Variants in INPP4A observed in about 807,000 individuals in gnomAD.
INPP4A encodes inositol polyphosphate-4-phosphatase, type I, 107kD.
INPP4A carries 33 observed loss-of-function variants against 119.8 expected under a neutral mutation model. The ratio of observed to expected loss-of-function variants is 0.28; its 90% confidence interval spans 0.21 to 0.37. The LOEUF is 0.37. INPP4A is among the 10% of genes least tolerant of loss of function. INPP4A has a pLI of 1.00. For missense variants in INPP4A, 956 were observed against 1,289.9 expected (o/e 0.74, Z 3.97); for synonymous variants, 496 against 500.7 (o/e 0.99, Z 0.12).
intron 1 of INPP4A, among the ~76,000 whole-genome samples, chr2:98,481,946 T>C (rs1678555047): frequency 6.6e-6 from 1 of 152,198 alleles, no homozygotes; most frequent in African/African-American, 2.4e-5. Flanking sequence ...GTTGGATTGT[T>C]TGATGTCTTG....
At chr2:98,555,903 ATGCAGAC>A in intron 16 of INPP4A, 95 bp downstream of exon 16, 1 of 1,359,330 alleles carries the variant, frequency 7.4e-7, no homozygotes, top group Non-Finnish European at 1.0e-6. Context: ...CTCCTCCCCC[ATGCAGAC>A]TGCAGGGAGG....
At chr2:98,507,579 C>T (rs1288417802) in intron 1 of INPP4A, among the ~76,000 whole-genome samples, 1 of 152,098 alleles carries the variant, frequency 6.6e-6, no homozygotes, top group Non-Finnish European at 1.5e-5. Flanking sequence ...GTGACCCCCA[C>T]CCCCAGCCTG....
chr2:98,555,865 C>T (rs913337320), intron 16 of INPP4A, 57 bp downstream of exon 16: 5 of 1,503,908 alleles, frequency 3.3e-6, no homozygotes, highest in Non-Finnish European at 4.5e-6. Context: ...GTGCTGCTTC[C>T]ATTTGTCTGT....
At chr2:98,586,418 A>G (rs1301524523) in intron 24 of INPP4A, among the ~76,000 whole-genome samples, 1 of 152,136 alleles carries the variant, frequency 6.6e-6, no homozygotes, top group East Asian at 1.9e-4. Context: ...GGTAACTGCA[A>G]ATTTTACATC....
chr2:98,592,486 C>CT lies in INPP4A; in HGVS notation c.*4880dup, dbSNP rs1480605765. ...GTTTTTACACTTTTAAAAGTGCCCT[C>CT]TTCTCAGAGACCCTGGTTATTTCCA... On this transcript the variant is annotated 3_prime_UTR_variant, in exon 25 of 25. Transcript: ENST00000409851. The CT allele has an allele frequency of 6.6e-6, 1 of 152,166 alleles. No individual in the cohort carries two copies. Among genetic ancestry groups the CT allele is most frequent in the African/African-American group, 2.4e-5 (1 of 41,428 alleles). 9.4% of individuals were successfully genotyped at this position (152,166 alleles called of 1,614,324 possible).
Position 98,564,150 on chromosome 2 carries a change from G to T in INPP4A, c.2029-490G>T, listed in dbSNP as rs139759415. 2.6e-3 allele frequency among the ~76,000 whole-genome samples: 395 copies of T among 152,274 alleles called. 1 individual carries two copies. The highest frequency in any genetic ancestry group is 3.4e-3 in the Non-Finnish European group (228 of 68,026). ...TTAGTAAAGTGAACAGTGATTTGGG[G>T]TTGGGCTGGTTCTCTACAGGTTCCC... On this transcript the variant is annotated intron_variant, in intron 18 of 24. Coordinates refer to ENST00000409851, the MANE Select transcript of INPP4A (RefSeq NM_001134225.2).
chr2:98,544,035 A>G, intron 11 of INPP4A, 28 bp downstream of exon 11: 9 of 1,541,936 alleles, frequency 5.8e-6, no homozygotes, highest in Non-Finnish European at 7.9e-6. Flanking sequence ...CTGTCACCAC[A>G]CACGCGTGCG....
chr2:98,574,207 G>T (rs1390320151), intron 23 of INPP4A, among the ~76,000 whole-genome samples: 1 of 152,124 alleles, frequency 6.6e-6, no homozygotes, highest in African/African-American at 2.4e-5. Flanking sequence ...GGTCTCTGCA[G>T]CAGGACAGAG....
intron 16 of INPP4A, 70 bp downstream of exon 16, chr2:98,555,878 C>G: frequency 2.7e-6 from 4 of 1,484,950 alleles, no homozygotes; most frequent in Non-Finnish European, 3.6e-6. Flanking sequence ...TTGTCTGTGT[C>G]TCTGACTCCA....
intron 24 of INPP4A, among the ~76,000 whole-genome samples, chr2:98,582,883 A>G (rs1449148707): frequency 6.6e-6 from 1 of 151,656 alleles, no homozygotes; most frequent in Non-Finnish European, 1.5e-5. Flanking sequence ...AAGATCGCCT[A>G]CTGCATACAC....
intron 17 of INPP4A, among the ~76,000 whole-genome samples, chr2:98,563,199 G>C (rs2106327170): frequency 6.6e-6 from 1 of 152,236 alleles, no homozygotes; most frequent in South Asian, 2.1e-4. Context: ...GAGTATTTCT[G>C]TTTAGGGTCC....
chr2:98,561,502 A>C (rs533137667), intron 17 of INPP4A, among the ~76,000 whole-genome samples: 1 of 152,308 alleles, frequency 6.6e-6, no homozygotes, highest in South Asian at 2.1e-4. Flanking sequence ...ACCTTCTACC[A>C]AGTTCCATAT....
intron 8 of INPP4A, among the ~76,000 whole-genome samples, 164 bp from the exon 9 acceptor site, chr2:98,538,727 G>C (rs1054194614): frequency 1.3e-5 from 2 of 152,238 alleles, no homozygotes; most frequent in African/African-American, 4.8e-5. Flanking sequence ...CACACTGGGA[G>C]GTGAATGACT....
intron 10 of INPP4A, among the ~76,000 whole-genome samples, chr2:98,540,934 AAC>A (rs1350283317): frequency 2.6e-5 from 4 of 152,362 alleles, no homozygotes; most frequent in African/African-American, 9.6e-5. Flanking sequence ...AACACAATAT[AAC>A]AGAAGCGTGA....
chr2:98,448,046 CAA>C lies in INPP4A; in HGVS notation c.-166+2983_-166+2984del, dbSNP rs35998148. Among the ~76,000 whole-genome samples the C allele has an allele frequency of 8.4e-3, 541 of 64,148 alleles. 4 individuals carry two copies. Among genetic ancestry groups the C allele is most frequent in the East Asian group, 0.032 (79 of 2,464 alleles). The allele number at this position is 64,148 out of a possible 152,430, so 42.1% of individuals were successfully genotyped here. On this transcript the variant is annotated intron_variant, in intron 1 of 24. Transcript: ENST00000409851. ...TGGAGGACAGAGTGAGACTCTGTCT[CAA>C]AAAAAAAAAAAAAAAAAAAAATCAT...
intron 1 of INPP4A, among the ~76,000 whole-genome samples, chr2:98,500,318 G>A (rs892012618): frequency 6.6e-6 from 1 of 152,072 alleles, no homozygotes; most frequent in African/African-American, 2.4e-5. Context: ...TTGATGATCC[G>A]CCACCACTGT....
intron 23 of INPP4A, among the ~76,000 whole-genome samples, chr2:98,574,630 T>C (rs1193371585): frequency 7.3e-6 from 1 of 137,084 alleles, no homozygotes; most frequent in Admixed American, 7.4e-5. Flanking sequence ...AGAGTGAGAC[T>C]CCATCTCAAA....
chr2:98,499,067 A>G (rs924689722), intron 1 of INPP4A, among the ~76,000 whole-genome samples: 9 of 152,244 alleles, frequency 5.9e-5, no homozygotes, highest in Admixed American at 1.3e-4. Flanking sequence ...CTGAGGAACT[A>G]GGAAAGCAGT....
At chr2:98,464,123 T>C (rs1674223999) in intron 1 of INPP4A, among the ~76,000 whole-genome samples, 2 of 152,192 alleles carry the variant, frequency 1.3e-5, no homozygotes, top group Admixed American at 6.5e-5. Context: ...CACCCTGAGC[T>C]CTTTGTGGCT....
Sources: gnomAD v4.1 joint callset for allele counts (sites outside exome capture counted in the v4.1 genomes callset) on GRCh38, gnomAD v4.1.1 for gene constraint, MANE v1.5 for transcripts, NCBI Gene and HGNC (gene_info 2026-07-23, HGNC 2026-07-21) for gene names.